The following FAT3 variants were observed in gnomAD, a reference collection of about 807,000 sequenced individuals.
FAT3 encodes the protein protocadherin Fat 3.
In FAT3, 95 loss-of-function variants were observed where a neutral mutation model predicts 310.2. The ratio of observed to expected loss-of-function variants is 0.31; its 90% CI spans 0.26 to 0.36. The LOEUF (loss-of-function observed/expected upper bound fraction) is 0.36. Ranked by LOEUF, FAT3 falls within the 10% of genes least tolerant of loss-of-function variation. FAT3 has a pLI of 1.00. For synonymous variants in FAT3, 2,314 were observed against 2,192.9 expected (o/e 1.06, Z -1.54); for missense variants, 5,408 against 5,715.6 (o/e 0.95, Z 1.74).
intron 19 of FAT3, among the ~76,000 whole-genome samples, chr11:92,849,320 A>G (rs527444611): frequency 1.1e-4 from 17 of 152,284 alleles, no homozygotes; most frequent in African/African-American, 4.1e-4. Context: ...CCTATTTTCT[A>G]TATTCCTGGC....
chr11:92,276,934 G>A (rs930260795), intron 1 of FAT3, among the ~76,000 whole-genome samples: 1 of 152,002 alleles, frequency 6.6e-6, no homozygotes, highest in Admixed American at 6.5e-5. Context: ...TTCCTTTCTG[G>A]CTCCAAGACA....
intron 2 of FAT3, chr11:92,408,179 C>T (rs1424530721): frequency 6.6e-6 from 1 of 152,226 alleles, no homozygotes; most frequent in African/African-American, 2.4e-5. Context: ...CCACTGATCA[C>T]ATGCGAAGAC....
intron 1 of FAT3, among the ~76,000 whole-genome samples, chr11:92,348,483 T>G (rs1948473798): frequency 6.6e-6 from 1 of 152,190 alleles, no homozygotes; most frequent in South Asian, 2.1e-4. Flanking sequence ...TTGTAAAAAG[T>G]AACTATCCCC....
At chr11:92,736,711 T>C (rs1365341248) in intron 4 of FAT3, among the ~76,000 whole-genome samples, 3 of 152,160 alleles carry the variant, frequency 2.0e-5, no homozygotes, top group Non-Finnish European at 4.4e-5. Flanking sequence ...AGGAAGAAAG[T>C]CATAAATATA....
At chr11:92,615,949 T>C (rs1940783221) in intron 3 of FAT3, among the ~76,000 whole-genome samples, 1 of 152,228 alleles carries the variant, frequency 6.6e-6, no homozygotes, top group Non-Finnish European at 1.5e-5. Flanking sequence ...AGAATGTATA[T>C]TCTGTTGATT....
chr11:92,481,635 C>G (rs1041746646), intron 2 of FAT3, among the ~76,000 whole-genome samples: 1 of 152,182 alleles, frequency 6.6e-6, no homozygotes, highest in African/African-American at 2.4e-5. Context: ...GAGTCAACAT[C>G]TAAAACATAA....
intron 3 of FAT3, among the ~76,000 whole-genome samples, chr11:92,532,058 G>T (rs1954096267): frequency 6.6e-6 from 1 of 151,984 alleles, no homozygotes; most frequent in Non-Finnish European, 1.5e-5. Context: ...ATTCCATATG[G>T]CCCCTAGCAA....
intron 1 of FAT3, among the ~76,000 whole-genome samples, chr11:92,241,153 A>G (rs1401004846): frequency 3.3e-5 from 5 of 152,042 alleles, no homozygotes; most frequent in Non-Finnish European, 5.9e-5. Flanking sequence ...TCGTTGGCCA[A>G]ACTTACTAAG....
rs573447870 is a variant in FAT3, at chr11:92,885,591, A to G, written c.12938-1409A>G. On this transcript the variant is annotated intron_variant, in intron 24 of 27. Coordinates refer to ENST00000525166, the MANE Select transcript of FAT3 (RefSeq NM_001367949.2). The stretch of plus-strand genomic sequence containing the variant: ...AGTTGCCCTTGAATTTCAGCCATAA[A>G]TATACTCCCTCTCAAATTATCTGTT... Among the ~76,000 whole-genome samples the G allele has an allele frequency of 5.3e-5, 8 of 152,312 alleles. No individual in the cohort carries two copies. In the South Asian group the frequency reaches 1.7e-3, roughly 32 times the overall value.
intron 3 of FAT3, among the ~76,000 whole-genome samples, chr11:92,623,704 G>A (rs1262316250): frequency 6.6e-6 from 1 of 152,158 alleles, no homozygotes; most frequent in Non-Finnish European, 1.5e-5. Flanking sequence ...AGCACTTTGG[G>A]AGGCCAAGGC....
At chr11:92,487,347 A>G (rs962555454) in intron 2 of FAT3, among the ~76,000 whole-genome samples, 2 of 152,196 alleles carry the variant, frequency 1.3e-5, no homozygotes, top group African/African-American at 4.8e-5. Flanking sequence ...TATTCTAGAT[A>G]TCAGAGAAAA....
At chr11:92,717,100 T>C (rs1944714617) in intron 4 of FAT3, among the ~76,000 whole-genome samples, 1 of 152,184 alleles carries the variant, frequency 6.6e-6, no homozygotes, top group African/African-American at 2.4e-5. Context: ...GTAGAAAGCA[T>C]GTGTGGAGAG....
chr11:92,343,794 A>G (rs1454404190), intron 1 of FAT3, among the ~76,000 whole-genome samples: 1 of 152,158 alleles, frequency 6.6e-6, no homozygotes, highest in Non-Finnish European at 1.5e-5. Context: ...GAGAATTTGT[A>G]CCCTATGATA....
chr11:92,239,950 G>T (rs928280211), intron 1 of FAT3, among the ~76,000 whole-genome samples: 1 of 152,058 alleles, frequency 6.6e-6, no homozygotes, highest in Non-Finnish European at 1.5e-5. Context: ...TAATTTCATT[G>T]CCTGAAGTAG....
chr11:92,634,260 C>A (rs1394823940), intron 3 of FAT3, among the ~76,000 whole-genome samples: 2 of 152,190 alleles, frequency 1.3e-5, no homozygotes, highest in Non-Finnish European at 2.9e-5. Flanking sequence ...TGGATCCCAG[C>A]CTATTCTTTA....
intron 1 of FAT3, among the ~76,000 whole-genome samples, chr11:92,309,655 T>TA (rs1947244994): frequency 6.6e-6 from 1 of 152,168 alleles, no homozygotes; most frequent in African/African-American, 2.4e-5. Flanking sequence ...CCCTTCTTGT[T>TA]ACCCTGGTAG....
intron 1 of FAT3, 120 bp from the exon 2 acceptor site, chr11:92,351,976 T>C (rs17597044): frequency 0.029 from 16,780 of 572,464 alleles, 281 homozygotes; most frequent in Non-Finnish European, 0.032. Context: ...ATTGCTGTTT[T>C]AGTAAAAAGA....
Position 92,491,769 on chromosome 11 carries a change from A to G in FAT3, c.3293-32865A>G, listed in dbSNP as rs367625875. 2.6e-5 allele frequency among the ~76,000 whole-genome samples: 4 copies of G among 152,148 alleles called. No individual in the cohort carries two copies. In the East Asian group the frequency reaches 7.8e-4, roughly 30 times the overall value. On this transcript the variant is annotated intron_variant, in intron 2 of 27. Transcript: ENST00000525166. ...TCTTTCTGCTAGACAACCTGTGACC[A>G]TTGTCACCAGTTCTTAAGAGAGTCA...
At chr11:92,420,085 G>C (rs757768799) in intron 2 of FAT3, among the ~76,000 whole-genome samples, 2 of 152,196 alleles carry the variant, frequency 1.3e-5, no homozygotes, top group South Asian at 2.1e-4. Context: ...CTGGCTGCCT[G>C]ATTTTGTAAA....
Sources: allele counts gnomAD v4.1 joint callset (sites outside exome capture counted in the v4.1 genomes callset), GRCh38; gene constraint gnomAD v4.1.1; transcripts MANE v1.5; gene names NCBI Gene and HGNC (gene_info 2026-07-23, HGNC 2026-07-21).